Variants in DNM1L observed in about 807,000 individuals in gnomAD.
The protein encoded by DNM1L is dynamin 1L.
A neutral mutation model predicts 92.8 loss-of-function variants in DNM1L; 33 were observed. The ratio of observed to expected loss-of-function variants is 0.36; its 90% CI spans 0.27 to 0.48. The LOEUF (loss-of-function observed/expected upper bound fraction) is 0.48, where lower values mean the gene tolerates loss of function less well. Ranked by LOEUF, DNM1L falls within the 20% of genes least tolerant of loss-of-function variation. DNM1L has a pLI of 0.99. For synonymous variants in DNM1L, 284 were observed against 305.0 expected, an observed-to-expected ratio of 0.93 and a Z score of 0.72; for missense variants, 485 against 888.8, an observed-to-expected ratio of 0.55 and a Z score of 5.78.
chr12:32,731,645 G>A lies in DNM1L; in HGVS notation c.1356+134G>A. ...TAGTTCCCTTACCTGAAAGTGATTT[G>A]AAATAGGATTCTTAAATGTAGTCTC... On this transcript the variant is annotated intron_variant, in intron 11 of 19. Transcript: ENST00000549701. This position sits in a 1 kb window ranked among gnomAD's most constrained non-coding sequence, Gnocchi z 5.1. The A allele has an allele frequency of 8.3e-7, 1 of 1,200,348 alleles. No homozygotes were observed. The highest frequency in any genetic ancestry group is 1.2e-6 in the Non-Finnish European group (1 of 842,664). 74.4% of individuals were successfully genotyped at this position (1,200,348 alleles called of 1,614,324 possible).
At chr12:32,696,556 C>T (rs977609053) in intron 1 of DNM1L, among the ~76,000 whole-genome samples, 3 of 151,150 alleles carry the variant, frequency 2.0e-5, no homozygotes, top group East Asian at 2.0e-4. Context: ...GCTGTGATTG[C>T]ACCACTGCAC....
At chr12:32,725,471 C>T (rs1954070501) in intron 9 of DNM1L, 2 of 152,158 alleles carry the variant, frequency 1.3e-5, no homozygotes, top group African/African-American at 4.8e-5. Flanking sequence ...CACTGTGGTA[C>T]CAGTAACTAT....
intron 13 of DNM1L, among the ~76,000 whole-genome samples, chr12:32,736,699 C>A (rs921921621): frequency 1.3e-5 from 2 of 152,078 alleles, no homozygotes; most frequent in African/African-American, 2.4e-5. Context: ...AAAGGCTTTG[C>A]GGAGTTTTCT....
chr12:32,742,216 T>G (rs1485148627), intron 18 of DNM1L, among the ~76,000 whole-genome samples: 1 of 152,150 alleles, frequency 6.6e-6, no homozygotes, highest in African/African-American at 2.4e-5. Flanking sequence ...GTGATTCTCG[T>G]ATCTCAGCCT....
At chr12:32,727,429 G>T (rs1343386730) in intron 9 of DNM1L, 2 of 719,812 alleles carry the variant, frequency 2.8e-6, no homozygotes, top group Non-Finnish European at 5.2e-6. Context: ...GGCTGGAGCT[G>T]TGCAGGCAGT....
chr12:32,681,391 AAATACG>A (rs1185431121), intron 1 of DNM1L, among the ~76,000 whole-genome samples: 2 of 152,132 alleles, frequency 1.3e-5, no homozygotes, highest in African/African-American at 4.8e-5. Context: ...TCTTTACGAA[AAATACG>A]AAAATTAGCT....
intron 1 of DNM1L, among the ~76,000 whole-genome samples, chr12:32,681,976 AGAGT>A (rs750525561): frequency 2.2e-4 from 34 of 152,086 alleles, no homozygotes; most frequent in Non-Finnish European, 4.3e-4. Flanking sequence ...CCTGGGCGAC[AGAGT>A]GAGACCCTGA....
chr12:32,722,123 C>T (rs1953839004), intron 8 of DNM1L, among the ~76,000 whole-genome samples: 2 of 152,144 alleles, frequency 1.3e-5, no homozygotes, highest in South Asian at 4.1e-4. Flanking sequence ...TGGCCTCTCT[C>T]CTCTCTTCTG....
intron 16 of DNM1L, 79 bp downstream of exon 16, chr12:32,738,375 C>T: frequency 6.7e-7 from 1 of 1,488,638 alleles, no homozygotes; most frequent in Non-Finnish European, 9.4e-7. Context: ...CATTAAAGAA[C>T]CTGTTTGTGT....
chr12:32,681,104 G>C (rs978472335), intron 1 of DNM1L, among the ~76,000 whole-genome samples: 1 of 152,158 alleles, frequency 6.6e-6, no homozygotes, highest in African/African-American at 2.4e-5. Flanking sequence ...GGAGAGAAAA[G>C]TAAAGATCCC....
intron 9 of DNM1L, among the ~76,000 whole-genome samples, chr12:32,723,550 C>T (rs767490250): frequency 2.0e-5 from 3 of 151,610 alleles, no homozygotes; most frequent in Non-Finnish European, 2.9e-5. Flanking sequence ...AAAAACTAGC[C>T]GGGCGTGGTG....
rs576153035 is a variant in DNM1L at position 32,739,929 on chromosome 12, C to T, written c.1708-135C>T. The T allele has an allele frequency of 5.4e-6, 6 of 1,115,674 alleles. No individual in the cohort carries two copies. The East Asian group carries it at 1.5e-4, about 29-fold the overall frequency. The allele number at this position is 1,115,674 out of a possible 1,614,324, so 69.1% of individuals were successfully genotyped here. A position where few individuals can be genotyped will look rare whatever the true frequency, so the allele number is the denominator to read the frequency against. On this transcript the variant is annotated intron_variant, in intron 16 of 19. Transcript: ENST00000549701. ...TATACATGCTACCTAGTGTCTCCTT[C>T]TGACCTCATTATCTGTCTGAATAAA...
chr12:32,742,873 G>A, intron 19 of DNM1L, 125 bp downstream of exon 19: 1 of 727,318 alleles, frequency 1.4e-6, no homozygotes, highest in Non-Finnish European at 2.2e-6. Context: ...TTTCCTGTTG[G>A]TACTTGATAA....
chr12:32,717,416 T>A, intron 6 of DNM1L, among the ~76,000 whole-genome samples: 7 of 43,428 alleles, frequency 1.6e-4, no homozygotes, highest in Non-Finnish European at 2.3e-4. Flanking sequence ...AATATATATT[T>A]TAAATATATA....
intron 6 of DNM1L, among the ~76,000 whole-genome samples, chr12:32,715,995 C>A (rs933535032): frequency 1.2e-4 from 18 of 152,206 alleles, no homozygotes; most frequent in Non-Finnish European, 1.5e-5. Flanking sequence ...AAACAACTCA[C>A]ATATTCCTCA....
At chr12:32,720,839 C>T in intron 8 of DNM1L, 44 bp downstream of exon 8, 1 of 1,608,238 alleles carries the variant, frequency 6.2e-7, no homozygotes, top group Non-Finnish European at 8.5e-7. Context: ...TTGTTTTTAC[C>T]AATTGGTGTC....
chr12:32,695,796 T>C (rs1035421019), intron 1 of DNM1L, among the ~76,000 whole-genome samples: 2 of 151,438 alleles, frequency 1.3e-5, no homozygotes, highest in African/African-American at 4.9e-5. Flanking sequence ...AATGAATGAA[T>C]GAAATGAAAC....
intron 1 of DNM1L, among the ~76,000 whole-genome samples, chr12:32,700,966 T>C: frequency 6.6e-6 from 1 of 152,098 alleles, no homozygotes; most frequent in Non-Finnish European, 1.5e-5. Flanking sequence ...TAATAGGAAA[T>C]AAAATTATCT....
chr12:32,730,365 A>G (rs1003867648), intron 9 of DNM1L, among the ~76,000 whole-genome samples: 2 of 152,152 alleles, frequency 1.3e-5, no homozygotes, highest in African/African-American at 4.8e-5. Flanking sequence ...CTCCGTCTCA[A>G]AAAGAAACAA....
Sources: allele counts gnomAD v4.1 joint callset (sites outside exome capture counted in the v4.1 genomes callset), GRCh38; gene constraint gnomAD v4.1.1; non-coding constraint Gnocchi (gnomAD v3.1); transcripts MANE v1.5; gene names NCBI Gene and HGNC (gene_info 2026-07-23, HGNC 2026-07-21).